The following NCKAP5 variants were observed in gnomAD, a reference collection of about 807,000 sequenced individuals.
NCKAP5 encodes the protein nck-associated protein 5.
NCKAP5 carries 92 observed loss-of-function variants against 167.0 expected under a neutral mutation model. That is an observed-to-expected ratio of 0.55 (90% CI 0.47 to 0.66). The LOEUF (loss-of-function observed/expected upper bound fraction) is 0.66. Ranked by LOEUF, NCKAP5 falls within the 30% of genes least tolerant of loss-of-function variation. NCKAP5 has a pLI of 0.00. For missense variants in NCKAP5, 2,378 were observed against 2,315.0 expected, an observed-to-expected ratio of 1.03 and a Z score of -0.56; for synonymous variants, 891 against 877.4, an observed-to-expected ratio of 1.02 and a Z score of -0.27.
At chr2:133,317,049 C>T (rs560473316) in intron 3 of NCKAP5, among the ~76,000 whole-genome samples, 7 of 152,252 alleles carry the variant, frequency 4.6e-5, no homozygotes, top group African/African-American at 1.4e-4. Context: ...ATTTCCCTGC[C>T]ACTGGCCTCA....
intron 11 of NCKAP5, among the ~76,000 whole-genome samples, chr2:132,838,373 T>G (rs1386309736): frequency 2.0e-5 from 3 of 152,174 alleles, no homozygotes; most frequent in Non-Finnish European, 4.4e-5. Flanking sequence ...GGTTCACGCC[T>G]GTAATCAGAG....
chr2:132,783,535 C>A lies in NCKAP5; in HGVS notation c.3276G>T (p.Leu1092Phe). The A allele has an allele frequency of 6.2e-7, 1 of 1,613,788 alleles. No individual in the cohort carries two copies. The change falls in exon 14 of 20, where the codon TTG (leucine) becomes TTT (phenylalanine). Residue 1092 changes from leucine (L) to phenylalanine (F), a missense_variant. Coordinates refer to ENST00000409261, the MANE Select transcript of NCKAP5 (RefSeq NM_207363.3). ...TGGGGGGTGTGGAGGCGCTATCATT[C>A]AATTGTCCTTTTCTCCCTGGAGATA... is the stretch of plus-strand genomic sequence containing the variant. ...KSVSPGRKGQLNDSASTPPKP... is the reference protein window; with the variant it reads ...KSVSPGRKGQFNDSASTPPKP...
intron 6 of NCKAP5, among the ~76,000 whole-genome samples, chr2:133,065,516 T>G (rs1444875886): frequency 6.6e-6 from 1 of 152,284 alleles, no homozygotes; most frequent in Non-Finnish European, 1.5e-5. Flanking sequence ...TCCCAGCTAC[T>G]TGGGAGGCTG....
intron 2 of NCKAP5, among the ~76,000 whole-genome samples, chr2:133,547,026 G>T (rs558376574): frequency 2.0e-5 from 3 of 152,142 alleles, no homozygotes; most frequent in South Asian, 2.1e-4. Context: ...TGCGCGCACC[G>T]TGCGCGAGCT....
intron 12 of NCKAP5, among the ~76,000 whole-genome samples, chr2:132,793,111 G>A (rs1274744117): frequency 6.6e-6 from 1 of 152,194 alleles, no homozygotes; most frequent in East Asian, 1.9e-4. Context: ...CCAGGTTCAA[G>A]TGATTCTCCT....
chr2:133,095,043 G>A (rs1262171137), intron 6 of NCKAP5, among the ~76,000 whole-genome samples: 1 of 152,098 alleles, frequency 6.6e-6, no homozygotes, highest in African/African-American at 2.4e-5. Context: ...AAGCCTGGCT[G>A]GCACCTTGAT....
In NCKAP5 at chr2:132,908,484, C is replaced by G. The variant is rs143019351; in HGVS notation, c.580-29568G>C. Among the ~76,000 whole-genome samples the G allele has an allele frequency of 1.2e-4, 18 of 152,260 alleles. No individual in the cohort carries two copies. In the East Asian group the frequency reaches 3.1e-3, roughly 26 times the overall value. ...TTCCAAAAGGATATTATTCTTCTAT[C>G]GAATATCCTCCGACTGTCTTAGCTT... On this transcript the variant is annotated intron_variant, in intron 8 of 19. Coordinates refer to ENST00000409261, the MANE Select transcript of NCKAP5 (RefSeq NM_207363.3).
At chr2:133,652,261 AT>A in the NCKAP5 span, among the ~76,000 whole-genome samples, 1 of 152,224 alleles carries the variant, frequency 6.6e-6, no homozygotes, top group Admixed American at 6.5e-5. Context: ...GGGAAAAAAT[AT>A]GTATTACTTA....
chr2:133,238,298 T>G (rs1022736180), intron 4 of NCKAP5, among the ~76,000 whole-genome samples: 4 of 152,170 alleles, frequency 2.6e-5, no homozygotes, highest in Admixed American at 2.6e-4. Context: ...AGAAATAGAA[T>G]CAGTGGATAG....
intron 6 of NCKAP5, among the ~76,000 whole-genome samples, chr2:133,013,567 C>A (rs1166405133): frequency 6.6e-6 from 1 of 152,156 alleles, no homozygotes; most frequent in African/African-American, 2.4e-5. Context: ...AAAGACCTGA[C>A]TCCACAATTC....
intron 4 of NCKAP5, among the ~76,000 whole-genome samples, chr2:133,289,698 A>T (rs1295072224): frequency 6.7e-6 from 1 of 149,118 alleles, no homozygotes; most frequent in Non-Finnish European, 1.5e-5. Flanking sequence ...CTCCAAAAAA[A>T]ATAAAAACAA....
At chr2:133,454,417 T>A (rs2151207976) in intron 3 of NCKAP5, among the ~76,000 whole-genome samples, 1 of 152,186 alleles carries the variant, frequency 6.6e-6, no homozygotes, top group East Asian at 1.9e-4. Flanking sequence ...TTAACAGTGC[T>A]CTAAGTGCCT....
intron 5 of NCKAP5, among the ~76,000 whole-genome samples, chr2:133,199,601 C>T (rs1224427652): frequency 6.6e-6 from 1 of 151,970 alleles, no homozygotes; most frequent in African/African-American, 2.4e-5. Context: ...TCAACCAAAT[C>T]TCTCATATAT....
chr2:133,525,620 C>G (rs374274430), intron 2 of NCKAP5, among the ~76,000 whole-genome samples: 1 of 152,226 alleles, frequency 6.6e-6, no homozygotes, highest in African/African-American at 2.4e-5. Context: ...ACTATTAAAA[C>G]AAATTATTGA....
intron 5 of NCKAP5, among the ~76,000 whole-genome samples, chr2:133,193,989 T>C (rs568748876): frequency 2.6e-5 from 4 of 152,196 alleles, no homozygotes; most frequent in Non-Finnish European, 5.9e-5. Context: ...ACAGTGACTT[T>C]ACTGCTTTTA....
intron 6 of NCKAP5, among the ~76,000 whole-genome samples, chr2:133,017,484 G>A (rs905909487): frequency 6.6e-6 from 1 of 152,056 alleles, no homozygotes; most frequent in Non-Finnish European, 1.5e-5. Context: ...TTCAAAATGT[G>A]AAATATGCCA....
the NCKAP5 span, among the ~76,000 whole-genome samples, chr2:133,633,830 T>C: frequency 3.3e-5 from 5 of 152,178 alleles, no homozygotes; most frequent in South Asian, 2.1e-4. Flanking sequence ...AAAAGATAAA[T>C]AGAGCATGAT....
At position 132,871,673 on chromosome 2, in the gene NCKAP5, C is replaced by T. The variant is rs373346642; in HGVS notation, c.649-2699G>A. ...TAGAGACTCTATATCTAACACAGTT[C>T]CTTCTGGCATGTACTTTGGAAAATT... On this transcript the variant is annotated intron_variant, in intron 9 of 19. Coordinates refer to ENST00000409261, the MANE Select transcript of NCKAP5 (RefSeq NM_207363.3). 8.5e-5 allele frequency among the ~76,000 whole-genome samples: 13 copies of T among 152,298 alleles called. No individual in the cohort carries two copies. The East Asian group carries it at 1.9e-3, about 23-fold the overall frequency.
chr2:133,510,442 A>G (rs751825056), intron 3 of NCKAP5, among the ~76,000 whole-genome samples: 1 of 152,206 alleles, frequency 6.6e-6, no homozygotes, highest in African/African-American at 2.4e-5. Flanking sequence ...AATCTCTTCT[A>G]AAGTTGGTTC....
Sources: allele counts gnomAD v4.1 joint callset (sites outside exome capture counted in the v4.1 genomes callset), GRCh38; gene constraint gnomAD v4.1.1; transcripts MANE v1.5; gene names NCBI Gene and HGNC (gene_info 2026-07-23, HGNC 2026-07-21).